SHLD1: variants seen among roughly 807,000 people sequenced by gnomAD.
SHLD1 encodes RINN1-REV7-interacting novel NHEJ regulator 3.
In SHLD1, 3 loss-of-function variants were observed where a neutral mutation model predicts 5.5. The observed-to-expected ratio is 0.54, with a 90% CI of 0.25 to 1.40. SHLD1 has a LOEUF of 1.40. Ranked by LOEUF, SHLD1 falls within the 40% of genes most tolerant of loss-of-function variation. SHLD1 has a pLI of 0.15. For synonymous variants in SHLD1, 92 were observed against 94.3 expected (o/e 0.98, Z 0.14); for missense variants, 210 against 244.4 (o/e 0.86, Z 0.94).
chr20:5,785,128 A>G (rs2087042072), intron 2 of SHLD1, among the ~76,000 whole-genome samples: 1 of 152,236 alleles, frequency 6.6e-6, no homozygotes, highest in African/African-American at 2.4e-5. Flanking sequence ...ACCGTAGGCC[A>G]TAAGACCCCC....
At chr20:5,849,602 T>C (rs1394891291) in intron 2 of SHLD1, among the ~76,000 whole-genome samples, 4 of 152,152 alleles carry the variant, frequency 2.6e-5, no homozygotes, top group Admixed American at 2.0e-4. Context: ...TCATAATACA[T>C]GTATACATGT....
chr20:5,817,751 C>A (rs1241987939), intron 2 of SHLD1, among the ~76,000 whole-genome samples: 1 of 152,006 alleles, frequency 6.6e-6, no homozygotes, highest in Non-Finnish European at 1.5e-5. Context: ...CAAAAGAATC[C>A]CTATGCTGAT....
In SHLD1 at chr20:5,843,100, G is replaced by A. The variant is rs114150115; in HGVS notation, c.179-19924G>A. On this transcript the variant is annotated intron_variant, in intron 2 of 2. Transcript: ENST00000303142. Reference sequence around the variant, plus strand: ...CTCATGTTCAATGGAACTCTGTGTGGACGGTTTCTTTTGGTGTTTGGTTGA... The same window carrying A: ...CTCATGTTCAATGGAACTCTGTGTGAACGGTTTCTTTTGGTGTTTGGTTGA... Among the ~76,000 whole-genome samples, 381 of 152,230 alleles carry A rather than the reference G, an allele frequency of 2.5e-3. 2 individuals carry two copies. Among genetic ancestry groups the A allele is most frequent in the African/African-American group, 8.5e-3 (351 of 41,526 alleles).
intron 2 of SHLD1, among the ~76,000 whole-genome samples, chr20:5,849,336 G>A (rs1298672873): frequency 1.3e-5 from 2 of 152,194 alleles, no homozygotes; most frequent in African/African-American, 2.4e-5. Flanking sequence ...GGTTTGTACA[G>A]CTAGGAAGTG....
At chr20:5,782,229 G>A (rs1247204119) in intron 2 of SHLD1, among the ~76,000 whole-genome samples, 2 of 152,170 alleles carry the variant, frequency 1.3e-5, no homozygotes, top group Non-Finnish European at 2.9e-5. Context: ...GGGAAGCACA[G>A]AGTATACAGA....
chr20:5,758,521 T>C (rs486931), intron 1 of SHLD1, among the ~76,000 whole-genome samples: 118,271 of 151,522 alleles, frequency 0.78, 46,526 homozygotes, highest in African/African-American at 0.87. Context: ...TGAGTTCAAG[T>C]GATTCTCCTG....
At chr20:5,753,293 C>T (rs1365534882) in intron 1 of SHLD1, among the ~76,000 whole-genome samples, 2 of 152,034 alleles carry the variant, frequency 1.3e-5, no homozygotes, top group East Asian at 3.8e-4. Context: ...AATTTGGTAT[C>T]TTTTTTAACA....
chr20:5,789,992 C>T (rs1221924289), intron 2 of SHLD1, among the ~76,000 whole-genome samples: 2 of 152,214 alleles, frequency 1.3e-5, no homozygotes, highest in African/African-American at 4.8e-5. Flanking sequence ...AGGAAGTGCT[C>T]ACCTTCAGAG....
At chr20:5,799,296 G>A (rs1342716307) in intron 2 of SHLD1, among the ~76,000 whole-genome samples, 1 of 146,808 alleles carries the variant, frequency 6.8e-6, no homozygotes, top group Non-Finnish European at 1.5e-5. Context: ...TCTCTTTCTT[G>A]CTTTCTTTCT....
At chr20:5,763,447 A>G (rs1333772289) in intron 1 of SHLD1, among the ~76,000 whole-genome samples, 3 of 152,182 alleles carry the variant, frequency 2.0e-5, no homozygotes, top group African/African-American at 7.2e-5. Flanking sequence ...TTTTGTTCCT[A>G]AGTAGAATAC....
At chr20:5,846,361 C>G (rs1014432778) in intron 2 of SHLD1, among the ~76,000 whole-genome samples, 2 of 152,194 alleles carry the variant, frequency 1.3e-5, no homozygotes, top group African/African-American at 4.8e-5. Context: ...ATTTTTCTTA[C>G]GCGTAAGGTT....
chr20:5,773,741 C>T (rs992102722), intron 2 of SHLD1, among the ~76,000 whole-genome samples: 2 of 152,150 alleles, frequency 1.3e-5, no homozygotes, highest in Admixed American at 1.3e-4. Flanking sequence ...GGCTATGTGA[C>T]TTGGGGCGTG....
At chr20:5,808,280 C>T (rs1241836000) in intron 2 of SHLD1, among the ~76,000 whole-genome samples, 1 of 136,348 alleles carries the variant, frequency 7.3e-6, no homozygotes, top group African/African-American at 2.7e-5. Flanking sequence ...AAAAAAGAAA[C>T]GTAAAAGTCC....
At chr20:5,779,423 C>T (rs1192701280) in intron 2 of SHLD1, among the ~76,000 whole-genome samples, 1 of 152,134 alleles carries the variant, frequency 6.6e-6, no homozygotes. Context: ...TTCCATGCCT[C>T]TTGTTCATAG....
At chr20:5,826,615 C>T (rs770106679) in intron 2 of SHLD1, among the ~76,000 whole-genome samples, 9 of 152,132 alleles carry the variant, frequency 5.9e-5, no homozygotes, top group African/African-American at 1.2e-4. Flanking sequence ...AAGTCCTCCT[C>T]CTTGACCTCA....
At chr20:5,788,687 A>G (rs1012502535) in intron 2 of SHLD1, among the ~76,000 whole-genome samples, 1 of 152,180 alleles carries the variant, frequency 6.6e-6, no homozygotes, top group Non-Finnish European at 1.5e-5. Flanking sequence ...CTCAGAGATT[A>G]TTTTACTCAA....
At chr20:5,845,047 C>T (rs1334830566) in intron 2 of SHLD1, among the ~76,000 whole-genome samples, 4 of 151,852 alleles carry the variant, frequency 2.6e-5, no homozygotes, top group Non-Finnish European at 5.9e-5. Flanking sequence ...ATCCACCTGC[C>T]TCGGCCTCCC....
chr20:5,786,498 G>A (rs2087061038), intron 2 of SHLD1, among the ~76,000 whole-genome samples: 2 of 152,054 alleles, frequency 1.3e-5, no homozygotes, highest in Non-Finnish European at 2.9e-5. Flanking sequence ...TTGCTTGAGC[G>A]CAGGAGGTTG....
intron 2 of SHLD1, among the ~76,000 whole-genome samples, chr20:5,835,707 A>T (rs904931589): frequency 1.3e-5 from 2 of 152,230 alleles, no homozygotes; most frequent in African/African-American, 4.8e-5. Context: ...AAATTACAGA[A>T]ATTCAAAGAG....
Sources: gnomAD v4.1 joint callset for allele counts (sites outside exome capture counted in the v4.1 genomes callset) on GRCh38, gnomAD v4.1.1 for gene constraint, MANE v1.5 for transcripts, NCBI Gene and HGNC (gene_info 2026-07-23, HGNC 2026-07-21) for gene names.